Variants in CEP128 observed in about 807,000 individuals in gnomAD.
CEP128 encodes centrosomal protein 128.
A neutral mutation model predicts 156.7 loss-of-function variants in CEP128; 132 were observed. The observed-to-expected ratio is 0.84, with a 90% CI of 0.73 to 0.97. The LOEUF is 0.97. Among genes scored for constraint, CEP128 ranks in the 50% least tolerant of loss-of-function variants. The probability of loss-of-function intolerance (pLI) is 0.00; values close to 1 mark genes in which losing one functional copy is unlikely to be tolerated. For synonymous variants in CEP128, 469 were observed against 448.9 expected (o/e 1.04, Z -0.57); for missense variants, 1,252 against 1,281.9 (o/e 0.98, Z 0.36).
rs183627264 is a variant in CEP128 at position 80,505,463 on chromosome 14, T to C, written c.3073-443A>G. ...TATACATAACACTGTGAGAAATATC[T>C]TTAAACTTATAACCTTTTCCATATT... On this transcript the variant is annotated intron_variant, in intron 23 of 24. Transcript: ENST00000555265. Among the ~76,000 whole-genome samples, 3 of 152,348 alleles carry C rather than the reference T, an allele frequency of 2.0e-5. No individual in the cohort carries two copies. In the East Asian group the frequency reaches 5.8e-4, roughly 29 times the overall value.
At position 80,651,700 on chromosome 14, in the gene CEP128, G is replaced by A. The variant is rs544956453; in HGVS notation, c.2807-71277C>T. ...CCTAGTAGTCATTCAGGAGCAGGTT[G>A]TTCAGTTTCCATATAGTTGTGTTGT... On this transcript the variant is annotated intron_variant, in intron 19 of 24. Transcript: ENST00000555265. 2.0e-5 allele frequency among the ~76,000 whole-genome samples: 3 copies of A among 152,222 alleles called. 1 individual carries two copies. The highest frequency in any genetic ancestry group is 2.0e-4 in the Admixed American group (3 of 15,282).
At chr14:80,875,083 C>T (rs1234526551) in intron 8 of CEP128, among the ~76,000 whole-genome samples, 4 of 152,150 alleles carry the variant, frequency 2.6e-5, no homozygotes, top group Non-Finnish European at 5.9e-5. Flanking sequence ...CACTGAGAAG[C>T]TGAACAAAGT....
At chr14:80,557,338 G>T (rs1456951681) in intron 21 of CEP128, among the ~76,000 whole-genome samples, 1 of 152,096 alleles carries the variant, frequency 6.6e-6, no homozygotes, top group Non-Finnish European at 1.5e-5. Context: ...ATATTTTCAC[G>T]TGTATTTTCT....
At chr14:80,876,301 A>T (rs575273429) in intron 8 of CEP128, among the ~76,000 whole-genome samples, 16 of 150,916 alleles carry the variant, frequency 1.1e-4, no homozygotes, top group African/African-American at 3.4e-4. Context: ...ATTACACCTT[A>T]AAAAAAAAGC....
At chr14:80,514,185 A>G (rs1271755635) in intron 23 of CEP128, among the ~76,000 whole-genome samples, 1 of 152,160 alleles carries the variant, frequency 6.6e-6, no homozygotes, top group African/African-American at 2.4e-5. Context: ...ACCTTTCTGA[A>G]CCAAACCAAT....
chr14:80,840,736 C>G lies in CEP128; in HGVS notation c.795G>C (p.Glu265Asp). Reference protein sequence around the residue: ...ALKKQEAKADEHEGAIKNKLR... With the variant: ...ALKKQEAKADDHEGAIKNKLR... ...GCTTATTTTTTATTGCCCCCTCATG[C>G]TCATCTGCTTTAGCTTCTTGTTTCT... Residue 265 changes from glutamate (E) to aspartate (D), a missense_variant, in exon 10 of 25, where the codon GAG (glutamate) becomes GAC (aspartate). Physicochemically the swap from Glu to Asp is conservative, Grantham distance 45 (BLOSUM62 2). Coordinates refer to ENST00000555265, the MANE Select transcript of CEP128 (RefSeq NM_152446.5). 6.2e-7 allele frequency: 1 copy of G among 1,611,184 alleles called. No individual in the cohort carries two copies. Among genetic ancestry groups the G allele is most frequent in the Non-Finnish European group, 8.5e-7 (1 of 1,178,278 alleles).
chr14:80,546,859 T>C (rs56201619), intron 21 of CEP128, among the ~76,000 whole-genome samples: 2,186 of 152,302 alleles, frequency 0.014, 54 homozygotes, highest in African/African-American at 0.045. Context: ...TTTTACTGTT[T>C]GATGTTCAAA....
intron 13 of CEP128, among the ~76,000 whole-genome samples, chr14:80,823,250 G>A (rs965314452): frequency 1.3e-5 from 2 of 152,198 alleles, no homozygotes; most frequent in African/African-American, 4.8e-5. Context: ...TTCCAGTGAT[G>A]CCACTGAGAT....
chr14:80,527,306 T>C (rs1473832548), intron 22 of CEP128: 1 of 431,984 alleles, frequency 2.3e-6, no homozygotes, highest in Non-Finnish European at 4.7e-6. Flanking sequence ...GGTGCATGGC[T>C]GTAGTCCCAG....
At chr14:80,581,639 A>G (rs2140450031) in intron 19 of CEP128, among the ~76,000 whole-genome samples, 1 of 152,312 alleles carries the variant, frequency 6.6e-6, no homozygotes, top group Admixed American at 6.5e-5. Context: ...TCTGTATGCT[A>G]TAGAGGAACT....
chr14:80,939,369 G>A lies in CEP128; in HGVS notation c.-16+16C>T, dbSNP rs895075003. 48 of 152,120 alleles carry A rather than the reference G, an allele frequency of 3.2e-4. No individual in the cohort carries two copies. The highest frequency in any genetic ancestry group is 1.1e-3 in the African/African-American group (45 of 41,424). The allele number at this position is 152,120 out of a possible 1,614,324, so 9.4% of individuals were successfully genotyped here. A position where few individuals can be genotyped will look rare whatever the true frequency, so the allele number is the denominator to read the frequency against. ...AAATGTGTTATCTCAGAAACTCAGG[G>A]AGAAAGCATACTTACAAAGCACACC... On this transcript the variant is annotated intron_variant, in intron 2 of 24. Coordinates refer to ENST00000555265, the MANE Select transcript of CEP128 (RefSeq NM_152446.5).
At chr14:80,903,745 T>C (rs570501015) in intron 6 of CEP128, among the ~76,000 whole-genome samples, 30 of 151,974 alleles carry the variant, frequency 2.0e-4, no homozygotes, top group African/African-American at 7.2e-4. Flanking sequence ...TTTTTAAAAA[T>C]ATTCAGCAAA....
intron 21 of CEP128, among the ~76,000 whole-genome samples, chr14:80,545,950 G>A (rs977304260): frequency 4.6e-5 from 7 of 152,154 alleles, no homozygotes; most frequent in African/African-American, 1.7e-4. Flanking sequence ...AGGGTGTGTT[G>A]AACTAAAATT....
chr14:80,868,153 A>G (rs1254113190), intron 8 of CEP128, among the ~76,000 whole-genome samples: 1 of 152,192 alleles, frequency 6.6e-6, no homozygotes, highest in Non-Finnish European at 1.5e-5. Flanking sequence ...GTTCTTCAAG[A>G]CAAAATGAAA....
In CEP128 at chr14:80,729,056, GGGGTGTGTGTGT is replaced by G. The variant is rs1222961805; in HGVS notation, c.2806+14007_2806+14018del. Among the ~76,000 whole-genome samples the G allele has an allele frequency of 7.4e-3, 650 of 88,206 alleles. 27 individuals carry two copies. Among genetic ancestry groups the G allele is most frequent in the Middle Eastern group, 0.032 (5 of 158 alleles). The allele number at this position is 88,206 out of a possible 152,430, so 57.9% of individuals were successfully genotyped here. A position where few individuals can be genotyped will look rare whatever the true frequency, so the allele number is the denominator to read the frequency against. Reference sequence around the variant, plus strand: ...GCCCTAGTCCCAGGCTGGGCTGGTGGGGGTGTGTGTGTGTGTGTGTGTGTGTGTGTGTGTGTG... The same window carrying G: ...GCCCTAGTCCCAGGCTGGGCTGGTGGGTGTGTGTGTGTGTGTGTGTGTGTG... On this transcript the variant is annotated intron_variant, in intron 19 of 24. Transcript: ENST00000555265.
chr14:80,673,658 A>C (rs1219903598), intron 19 of CEP128, among the ~76,000 whole-genome samples: 3 of 148,426 alleles, frequency 2.0e-5, no homozygotes, highest in Non-Finnish European at 4.5e-5. Flanking sequence ...AAAAAAAAAA[A>C]AAAAAAAAAA....
At chr14:80,485,887 CAT>C (rs1214931333), downstream of CEP128, among the ~76,000 whole-genome samples, 1 of 152,166 alleles carries the variant, frequency 6.6e-6, no homozygotes, top group African/African-American at 2.4e-5. Flanking sequence ...TGTGTATATT[CAT>C]GTAGGCTGTT....
At position 80,838,256 on chromosome 14, in the gene CEP128, G is replaced by T. The variant is rs750701191; in HGVS notation, c.872C>A (p.Ser291Tyr). The change falls in exon 11 of 25, where the codon TCT (serine) becomes TAT (tyrosine). Residue 291 changes from serine to tyrosine, a missense_variant. Coordinates refer to ENST00000555265, the MANE Select transcript of CEP128 (RefSeq NM_152446.5). The part of the protein sequence containing the change: ...KNQLEQELEL[S>Y]RRLLNQSEGS... ...TTCTGATTGATTCAATAACCTTCGA[G>T]ATAGCTCCAATTCCTGTTCAAGCTA... The T allele has an allele frequency of 1.2e-5, 19 of 1,613,160 alleles. No individual in the cohort carries two copies. The East Asian group carries it at 4.2e-4, about 36-fold the overall frequency.
intron 19 of CEP128, among the ~76,000 whole-genome samples, chr14:80,700,587 T>A (rs1205842543): frequency 1.3e-5 from 2 of 152,166 alleles, no homozygotes; most frequent in Non-Finnish European, 2.9e-5. Flanking sequence ...TTTAAATCAG[T>A]AACTTTTCCT....
Sources: gnomAD v4.1 joint callset for allele counts (sites outside exome capture counted in the v4.1 genomes callset) on GRCh38, gnomAD v4.1.1 for gene constraint, MANE v1.5 for transcripts, NCBI Gene and HGNC (gene_info 2026-07-23, HGNC 2026-07-21) for gene names.